Variants in TAFA5 observed in about 807,000 individuals in gnomAD.
TAFA5 encodes chemokine-like protein TAFA-5.
A neutral mutation model predicts 15.3 loss-of-function variants in TAFA5; 6 were observed. The observed-to-expected ratio is 0.39, with a 90% CI of 0.21 to 0.77. TAFA5 has a LOEUF of 0.77. Among genes scored for constraint, TAFA5 ranks in the 30% least tolerant of loss-of-function variants. The pLI is 0.41. For synonymous variants in TAFA5, 103 were observed against 80.7 expected (o/e 1.28, Z -1.48); for missense variants, 161 against 193.1 (o/e 0.83, Z 0.98).
chr22:48,738,793 G>T (rs907434869), intron 3 of TAFA5, among the ~76,000 whole-genome samples: 2 of 152,206 alleles, frequency 1.3e-5, no homozygotes, highest in Non-Finnish European at 2.9e-5. Flanking sequence ...GCCACTTGTG[G>T]CTCTGTCTTC....
At chr22:48,636,284 TG>T (rs1320368208) in intron 1 of TAFA5, among the ~76,000 whole-genome samples, 1 of 152,224 alleles carries the variant, frequency 6.6e-6, no homozygotes, top group Admixed American at 6.5e-5. Flanking sequence ...GGCTGTTCCG[TG>T]GGGGAACCGG....
chr22:48,505,390 C>A (rs901769967), intron 1 of TAFA5, among the ~76,000 whole-genome samples: 2 of 152,154 alleles, frequency 1.3e-5, no homozygotes, highest in African/African-American at 2.4e-5. Flanking sequence ...GTATCTGCAC[C>A]CCAGAGGCAG....
chr22:48,519,141 CAG>C (rs1921519015), intron 1 of TAFA5, among the ~76,000 whole-genome samples: 1 of 152,210 alleles, frequency 6.6e-6, no homozygotes, highest in African/African-American at 2.4e-5. Flanking sequence ...TCAAAAGAGA[CAG>C]AGTAATTTTT....
chr22:48,607,471 G>T lies in TAFA5; in HGVS notation c.113-39126G>T, dbSNP rs545741752. ...TCCCAGGTACCTCAGTCTGGAGCAG[G>T]TCTGTCCCGGGTTCTGATTAGGGCT... On this transcript the variant is annotated intron_variant, in intron 1 of 3. Coordinates refer to ENST00000402357, the MANE Select transcript of TAFA5 (RefSeq NM_001082967.3). Among the ~76,000 whole-genome samples, 3 of 128,868 alleles carry T rather than the reference G, an allele frequency of 2.3e-5. No homozygotes were observed. The South Asian group carries it at 7.4e-4, about 32-fold the overall frequency. 84.5% of individuals were successfully genotyped at this position (128,868 alleles called of 152,430 possible). A position where few individuals can be genotyped will look rare whatever the true frequency, so the allele number is the denominator to read the frequency against.
intron 3 of TAFA5, among the ~76,000 whole-genome samples, chr22:48,746,283 G>A (rs577046674): frequency 1.3e-4 from 20 of 152,114 alleles, no homozygotes; most frequent in Non-Finnish European, 2.2e-4. Context: ...CACCCCACTC[G>A]TCAGGCAGGC....
Position 48,508,502 on chromosome 22 carries a change from C to T in TAFA5, c.112+18798C>T, listed in dbSNP as rs1233111819. Among the ~76,000 whole-genome samples, 4 of 152,294 alleles carry T rather than the reference C, an allele frequency of 2.6e-5. No homozygotes were observed. In the East Asian group the frequency reaches 5.8e-4, roughly 22 times the overall value. On this transcript the variant is annotated intron_variant, in intron 1 of 3. Coordinates refer to ENST00000402357, the MANE Select transcript of TAFA5 (RefSeq NM_001082967.3). Reference sequence around the variant, plus strand: ...GGAGGAGGAGAGAAGGCGGTGGGCGCCCTGAGGCTGCTGCAGCCACTTGGT... The same window carrying T: ...GGAGGAGGAGAGAAGGCGGTGGGCGTCCTGAGGCTGCTGCAGCCACTTGGT...
intron 1 of TAFA5, among the ~76,000 whole-genome samples, chr22:48,583,146 AC>A (rs1924152616): frequency 6.6e-6 from 1 of 150,626 alleles, no homozygotes. Context: ...CACACCACAC[AC>A]CACACACAAA....
intron 1 of TAFA5, among the ~76,000 whole-genome samples, chr22:48,525,360 C>T (rs1921744535): frequency 6.6e-6 from 1 of 152,186 alleles, no homozygotes; most frequent in African/African-American, 2.4e-5. Context: ...ACGCTGAGGG[C>T]TTGGTCCACA....
intron 1 of TAFA5, among the ~76,000 whole-genome samples, chr22:48,592,295 C>T (rs992013418): frequency 1.1e-4 from 17 of 152,230 alleles, no homozygotes; most frequent in African/African-American, 4.1e-4. Flanking sequence ...CCTGCAGCCC[C>T]CCAGGGTTGA....
chr22:48,618,475 G>A (rs1254423731), intron 1 of TAFA5, among the ~76,000 whole-genome samples: 1 of 152,240 alleles, frequency 6.6e-6, no homozygotes, highest in East Asian at 1.9e-4. Context: ...AAGTTGCCGG[G>A]GATGGCTTTG....
At chr22:48,618,788 G>C (rs1015359396) in intron 1 of TAFA5, among the ~76,000 whole-genome samples, 5 of 152,162 alleles carry the variant, frequency 3.3e-5, no homozygotes, top group Non-Finnish European at 7.4e-5. Context: ...CTGTGCTGGG[G>C]GTTGCCTCTG....
At chr22:48,513,127 C>T (rs1921283361) in intron 1 of TAFA5, among the ~76,000 whole-genome samples, 1 of 152,028 alleles carries the variant, frequency 6.6e-6, no homozygotes, top group Non-Finnish European at 1.5e-5. Flanking sequence ...CAGAGGGTTT[C>T]CTGGAGGAAG....
intron 3 of TAFA5, among the ~76,000 whole-genome samples, chr22:48,747,846 G>A (rs1305612080): frequency 6.7e-6 from 1 of 148,682 alleles, no homozygotes; most frequent in Non-Finnish European, 1.5e-5. Flanking sequence ...GCGGTGAGCC[G>A]AGATCGCACC....
chr22:48,687,993 C>CA (rs1175919188), intron 2 of TAFA5, among the ~76,000 whole-genome samples: 1 of 133,906 alleles, frequency 7.5e-6, no homozygotes. Context: ...GCCTGAGGAA[C>CA]ATGATTAGAG....
rs951968919 is a variant in TAFA5, at chr22:48,552,141, G to A, written c.112+62437G>A. ...GTGAGCCCTCCTTGTGTGGGCTCCC[G>A]GGGACCACCAGAGAGCCCCTCCCAA... On this transcript the variant is annotated intron_variant, in intron 1 of 3. Coordinates refer to ENST00000402357, the MANE Select transcript of TAFA5 (RefSeq NM_001082967.3). This position sits in a 1 kb window ranked among gnomAD's most constrained non-coding sequence, Gnocchi z 4.1. Among the ~76,000 whole-genome samples the A allele has an allele frequency of 5.3e-5, 8 of 152,258 alleles. No homozygotes were observed. The highest frequency in any genetic ancestry group is 2.1e-4 in the South Asian group (1 of 4,818).
At chr22:48,613,183 G>T (rs980019142) in intron 1 of TAFA5, among the ~76,000 whole-genome samples, 1 of 152,216 alleles carries the variant, frequency 6.6e-6, no homozygotes, top group Non-Finnish European at 1.5e-5. Flanking sequence ...AGCACTCACG[G>T]CTGTTCTGAG....
intron 3 of TAFA5, among the ~76,000 whole-genome samples, chr22:48,711,101 C>CAGGG (rs1214382856): frequency 2.0e-5 from 3 of 152,192 alleles, no homozygotes; most frequent in African/African-American, 7.2e-5. Context: ...AGGGCACCTG[C>CAGGG]AGGGACCAGG....
At chr22:48,624,231 A>T (rs1029863342) in intron 1 of TAFA5, among the ~76,000 whole-genome samples, 2 of 152,316 alleles carry the variant, frequency 1.3e-5, no homozygotes, top group Non-Finnish European at 2.9e-5. Flanking sequence ...GAAGATGCCA[A>T]AGTGAAGTGC....
chr22:48,734,899 C>T (rs1167470006), intron 3 of TAFA5, among the ~76,000 whole-genome samples: 1 of 152,142 alleles, frequency 6.6e-6, no homozygotes, highest in Non-Finnish European at 1.5e-5. Flanking sequence ...AAACTAAATT[C>T]CCCTGGTATT....
Sources: allele counts gnomAD v4.1 joint callset (sites outside exome capture counted in the v4.1 genomes callset), GRCh38; gene constraint gnomAD v4.1.1; non-coding constraint Gnocchi (gnomAD v3.1); transcripts MANE v1.5; gene names NCBI Gene and HGNC (gene_info 2026-07-23, HGNC 2026-07-21).